The following MYO1C variants were observed in gnomAD, a reference collection of about 807,000 sequenced individuals.
The protein encoded by MYO1C is myosin IC, also known as unconventional myosin-Ic.
A neutral mutation model predicts 150.8 loss-of-function variants in MYO1C; 104 were observed. That is an observed-to-expected ratio of 0.69 (90% CI 0.59 to 0.81). The LOEUF is 0.81. Among genes scored for constraint, MYO1C ranks in the 30% least tolerant of loss-of-function variants. The pLI is 0.00. For synonymous variants in MYO1C, 663 were observed against 579.9 expected, an observed-to-expected ratio of 1.14 and a Z score of -2.06; for missense variants, 1,504 against 1,435.0, an observed-to-expected ratio of 1.05 and a Z score of -0.78.
At chr17:1,470,874 TG>T in intron 21 of MYO1C, 185 bp from the exon 22 acceptor site, 1 of 678,442 alleles carries the variant, frequency 1.5e-6, no homozygotes, top group South Asian at 1.7e-5. Flanking sequence ...GGTGGGATGG[TG>T]GGCGTGGGGC....
chr17:1,477,358 TG>T, intron 14 of MYO1C, 146 bp downstream of exon 14: 1 of 727,138 alleles, frequency 1.4e-6, no homozygotes, highest in Middle Eastern at 3.4e-4. Context: ...TCTTAGTTTC[TG>T]GACACATGTG....
intron 31 of MYO1C, 44 bp downstream of exon 31, chr17:1,467,198 G>T (rs767906437): frequency 1.3e-6 from 2 of 1,552,672 alleles, no homozygotes; most frequent in South Asian, 1.2e-5. Context: ...GGAAGGCTTG[G>T]CTATCACAGC....
In MYO1C at chr17:1,467,924, G is replaced by A. The variant is rs199670141; in HGVS notation, c.2897-14C>T. ...TGACAGAGATTCCTGAGGGGAGAGG[G>A]CAAAGGTCAGAGGTCGAGGGTCAGA... On this transcript the variant is annotated splice_polypyrimidine_tract_variant and intron_variant, in intron 28 of 31. Coordinates refer to ENST00000648651, the MANE Select transcript of MYO1C (RefSeq NM_001080779.2). 102 of 1,612,426 alleles carry A rather than the reference G, an allele frequency of 6.3e-5. No individual in the cohort carries two copies. The highest frequency in any genetic ancestry group is 9.4e-5 in the African/African-American group (7 of 74,382).
At position 1,470,302 on chromosome 17, in the gene MYO1C, G is replaced by C. The variant is rs774419447; in HGVS notation, c.2399C>G (p.Pro800Arg). The C allele has an allele frequency of 2.2e-5, 34 of 1,573,206 alleles. No homozygotes were observed. The highest frequency in any genetic ancestry group is 3.7e-5 in the Admixed American group (2 of 53,444). ...GAAGAAGGCGTTCTCGGGGCAGCGG[G>C]GGGCGTGGCGCAGGACGAAGCCTCG... ...LIRGFVLRHA[P>R]RCPENAFFLD... Residue 800 changes from proline (P) to arginine (R), a missense_variant, in exon 24 of 32, where the codon CCC becomes CGC. Pro to Arg is a moderately radical substitution (Grantham distance 103, BLOSUM62 -2). Coordinates refer to ENST00000648651, the MANE Select transcript of MYO1C (RefSeq NM_001080779.2).
Position 1,470,992 on chromosome 17 carries a change from GAGA to G in MYO1C, c.2212+76_2212+78del, listed in dbSNP as rs1017918537. On this transcript the variant is annotated intron_variant, in intron 21 of 31. Coordinates refer to ENST00000648651, the MANE Select transcript of MYO1C (RefSeq NM_001080779.2). ...CTGATAGGGAGGGGTGGACTCCCTG[GAGA>G]AGGAGCCCAAGGGAGTGACTTCCCT... 1.8e-5 allele frequency: 27 copies of G among 1,466,866 alleles called. No homozygotes were observed. The Admixed American group carries it at 2.6e-4, about 14-fold the overall frequency. 90.9% of individuals were successfully genotyped at this position (1,466,866 alleles called of 1,614,324 possible).
Position 1,483,733 on chromosome 17 carries a change from C to G in MYO1C, c.232-8G>C, listed in dbSNP as rs565398167. 1.3e-6 allele frequency: 2 copies of G among 1,599,440 alleles called. No homozygotes were observed. The highest frequency in any genetic ancestry group is 1.1e-5 in the South Asian group (1 of 89,236). ...GACGGGGCCAATGTAGGTCTGGGAT[C>G]GGGGGAAGAGGGTCCAAAGTTTATC... On this transcript the variant is annotated splice_region_variant and splice_polypyrimidine_tract_variant and intron_variant, in intron 2 of 31. Transcript: ENST00000648651.
chr17:1,468,733 C>A, intron 25 of MYO1C: 1 of 578,374 alleles, frequency 1.7e-6, no homozygotes, highest in South Asian at 2.0e-5. Context: ...GGTTTTGAAA[C>A]TGGCCTTGGT....
chr17:1,480,776 C>G lies in MYO1C; in HGVS notation c.737G>C (p.Gly246Ala). ...NFHIFYQLLE[G>A]GEEETLRRLG... ...CCTGCGAAGAGTCTCCTCCTCGCCC[C>G]CCTCCAGCAGCTGGTAGAAGATGTG... The change falls in exon 6 of 32, where the codon GGG becomes GCG. Residue 246 changes from glycine to alanine, a missense_variant. By Grantham distance (60) the Gly-to-Ala change is moderately conservative. Transcript: ENST00000648651. The G allele has an allele frequency of 1.2e-6, 2 of 1,614,168 alleles. No homozygotes were observed. Among genetic ancestry groups the G allele is most frequent in the Non-Finnish European group, 1.7e-6 (2 of 1,180,012 alleles).
chr17:1,467,620 C>G (rs1305980317), intron 29 of MYO1C, 43 bp from the exon 30 acceptor site: 3 of 1,591,602 alleles, frequency 1.9e-6, no homozygotes, highest in Admixed American at 3.3e-5. Flanking sequence ...CTGCCCAGAA[C>G]TTGAGGAACC....
intron 14 of MYO1C, among the ~76,000 whole-genome samples, chr17:1,475,629 A>G (rs112829266): frequency 0.056 from 8,590 of 152,318 alleles, 823 homozygotes; most frequent in African/African-American, 0.19. Context: ...TGAGCTGCGC[A>G]CTACTTTTCA....
chr17:1,480,096 G>C (rs2074486180), intron 7 of MYO1C, among the ~76,000 whole-genome samples: 1 of 137,418 alleles, frequency 7.3e-6, no homozygotes, highest in Admixed American at 8.5e-5. Context: ...AGTGAACTGA[G>C]ATCGCACCAC....
intron 7 of MYO1C, among the ~76,000 whole-genome samples, chr17:1,480,079 A>G (rs2150955028): frequency 7.3e-6 from 1 of 137,686 alleles, no homozygotes; most frequent in East Asian, 2.2e-4. Flanking sequence ...CTGGAGGCAG[A>G]GGTTGCAGTG....
Position 1,477,417 on chromosome 17 carries a change from T to G in MYO1C, c.1574+88A>C, listed in dbSNP as rs879195021. On this transcript the variant is annotated intron_variant, in intron 14 of 31. Transcript: ENST00000648651. ...TCCCTGGTCACCTCCTTGTGGCTGG[T>G]GTTTTGTGATGGCGGAGGGACTCCT... 1.2e-3 allele frequency: 1,450 copies of G among 1,171,150 alleles called. 9 individuals carry two copies. The highest frequency in any genetic ancestry group is 5.0e-3 in the Admixed American group (267 of 53,798). 72.5% of individuals were successfully genotyped at this position (1,171,150 alleles called of 1,614,324 possible). A position where few individuals can be genotyped will look rare whatever the true frequency, so the allele number is the denominator to read the frequency against.
intron 29 of MYO1C, 64 bp from the exon 30 acceptor site, chr17:1,467,641 C>CCCCCCA: frequency 6.7e-7 from 1 of 1,487,936 alleles, no homozygotes; most frequent in African/African-American, 1.5e-5. Flanking sequence ...CCCGCCCCAC[C>CCCCCCA]TCCCCATCCA....
Position 1,472,113 on chromosome 17 carries a change from A to AG in MYO1C, c.1903+9dup. Reference sequence around the variant, plus strand: ...GCCCGGCCCCGAAGTCCCCCGTGGGAGGGGCCTACCGGGCTGTTTGGCATC... The same window carrying AG: ...GCCCGGCCCCGAAGTCCCCCGTGGGAGGGGGCCTACCGGGCTGTTTGGCATC... On this transcript the variant is annotated intron_variant, in intron 18 of 31. Coordinates refer to ENST00000648651, the MANE Select transcript of MYO1C (RefSeq NM_001080779.2). The AG allele has an allele frequency of 6.2e-7, 1 of 1,613,796 alleles. No individual in the cohort carries two copies. Among genetic ancestry groups the AG allele is most frequent in the South Asian group, 1.1e-5 (1 of 91,088 alleles).
intron 1 of MYO1C, chr17:1,484,982 G>A (rs1346310780): frequency 1.6e-6 from 1 of 606,294 alleles, no homozygotes; most frequent in Non-Finnish European, 2.7e-6. Flanking sequence ...CACCCCAGCT[G>A]GGCTCAGCCA....
At chr17:1,483,570 A>C in intron 3 of MYO1C, 40 bp downstream of exon 3, 2 of 1,461,012 alleles carry the variant, frequency 1.4e-6, no homozygotes, top group Non-Finnish European at 9.5e-7. Flanking sequence ...CCTCAGATGG[A>C]GACAGAGGGG....
chr17:1,483,554 G>A (rs941188022), intron 3 of MYO1C, 56 bp downstream of exon 3: 1 of 1,294,422 alleles, frequency 7.7e-7, no homozygotes, highest in East Asian at 2.4e-5. Context: ...GGGTTGGGCG[G>A]GGTCACCTCA....
In MYO1C at chr17:1,482,591, G is replaced by A. The variant is rs1268061402; in HGVS notation, c.547-33C>T. On this transcript the variant is annotated intron_variant, in intron 4 of 31. Transcript: ENST00000648651. ...TGGACAGGGGTATGAGGGACACCTG[G>A]CACTCTCCCCCTGCCCTCCCCACCC... is the stretch of plus-strand genomic sequence containing the variant. 9.5e-6 allele frequency: 15 copies of A among 1,576,706 alleles called. 1 individual carries two copies. In the Admixed American group the frequency reaches 2.5e-4, roughly 27 times the overall value.
Sources: allele counts gnomAD v4.1 joint callset (sites outside exome capture counted in the v4.1 genomes callset), GRCh38; gene constraint gnomAD v4.1.1; transcripts MANE v1.5; gene names NCBI Gene and HGNC (gene_info 2026-07-23, HGNC 2026-07-21).